SLC35F1: variants seen among roughly 807,000 people sequenced by gnomAD.
SLC35F1 encodes the protein chromosome 6 open reading frame 169.
Under a neutral mutation model 48.7 loss-of-function variants are expected in SLC35F1, and 14 were observed. That is an observed-to-expected ratio of 0.29 (90% confidence interval 0.19 to 0.45). The LOEUF (loss-of-function observed/expected upper bound fraction) is 0.45. SLC35F1 is among the 20% of genes least tolerant of loss of function. SLC35F1 has a pLI of 1.00. For missense variants in SLC35F1, 404 were observed against 500.0 expected (o/e 0.81, Z 1.83); for synonymous variants, 190 against 202.2 (o/e 0.94, Z 0.51).
At chr6:118,272,863 A>C (rs1437314469) in intron 4 of SLC35F1, among the ~76,000 whole-genome samples, 1 of 150,088 alleles carries the variant, frequency 6.7e-6, no homozygotes, top group East Asian at 1.9e-4. Context: ...CTAGATACAA[A>C]TTTTAGGCAC....
intron 1 of SLC35F1, among the ~76,000 whole-genome samples, chr6:118,089,881 AC>A (rs2114341013): frequency 6.6e-6 from 1 of 152,316 alleles, no homozygotes; most frequent in East Asian, 1.9e-4. Flanking sequence ...ATTTCATGAA[AC>A]AAAACACAAT....
chr6:118,316,973 G>A lies in SLC35F1; in HGVS notation c.*2721G>A, dbSNP rs1241165113. 6.6e-6 allele frequency: 1 copy of A among 152,562 alleles called. No homozygotes were observed. The highest frequency in any genetic ancestry group is 2.4e-5 in the African/African-American group (1 of 41,432). The allele number at this position is 152,562 out of a possible 1,614,324, so 9.5% of individuals were successfully genotyped here. ...TCTGTGTAAAAAACACTGATCCTTT[G>A]GGAATGGGGCGGGAAATGGGAGTAG... On this transcript the variant is annotated 3_prime_UTR_variant, in exon 8 of 8. Transcript: ENST00000360388.
At chr6:118,304,177 C>T (rs189146420) in intron 7 of SLC35F1, among the ~76,000 whole-genome samples, 58 of 152,068 alleles carry the variant, frequency 3.8e-4, no homozygotes, top group African/African-American at 1.3e-3. Flanking sequence ...AATTGATAAA[C>T]AATGTAAACA....
intron 1 of SLC35F1, among the ~76,000 whole-genome samples, chr6:117,943,906 T>C (rs1582577352): frequency 6.6e-6 from 1 of 152,176 alleles, no homozygotes; most frequent in East Asian, 1.9e-4. Flanking sequence ...TTAAAGAGTG[T>C]TCAAACTTTG....
chr6:118,073,439 A>G (rs942148304), intron 1 of SLC35F1, among the ~76,000 whole-genome samples: 17 of 152,224 alleles, frequency 1.1e-4, no homozygotes, highest in Non-Finnish European at 2.2e-4. Context: ...GAAATGGAAT[A>G]ATACTTGCAA....
chr6:118,296,454 G>A (rs894949264), intron 7 of SLC35F1, among the ~76,000 whole-genome samples: 1 of 152,158 alleles, frequency 6.6e-6, no homozygotes, highest in Non-Finnish European at 1.5e-5. Flanking sequence ...GCTGGGAAAT[G>A]TGGTCAATCT....
chr6:118,000,963 T>C (rs1176591122), intron 1 of SLC35F1, among the ~76,000 whole-genome samples: 3 of 151,970 alleles, frequency 2.0e-5, no homozygotes, highest in Non-Finnish European at 4.4e-5. Context: ...TACAAACAAA[T>C]GGAAGAACAT....
intron 2 of SLC35F1, among the ~76,000 whole-genome samples, chr6:118,165,364 G>A (rs542198284): frequency 2.0e-5 from 3 of 152,226 alleles, no homozygotes; most frequent in South Asian, 4.1e-4. Flanking sequence ...GGTAAGAAAA[G>A]CATTCCTACT....
In SLC35F1 at chr6:118,089,148, G is replaced by T. The variant is rs116280268; in HGVS notation, c.174-65297G>T. Among the ~76,000 whole-genome samples, 200 of 152,290 alleles carry T rather than the reference G, an allele frequency of 1.3e-3. 1 individual carries two copies. Among genetic ancestry groups the T allele is most frequent in the African/African-American group, 4.7e-3 (194 of 41,564 alleles). Reference sequence around the variant, plus strand: ...TTGGATACAAGAGGTGTGGGAAAGAGAGAGGACCCTAGAACTCTGGCATGA... The same window carrying T: ...TTGGATACAAGAGGTGTGGGAAAGATAGAGGACCCTAGAACTCTGGCATGA... On this transcript the variant is annotated intron_variant, in intron 1 of 7. Coordinates refer to ENST00000360388, the MANE Select transcript of SLC35F1 (RefSeq NM_001029858.4).
At chr6:117,997,656 T>C (rs1777015930) in intron 1 of SLC35F1, among the ~76,000 whole-genome samples, 1 of 152,146 alleles carries the variant, frequency 6.6e-6, no homozygotes, top group Non-Finnish European at 1.5e-5. Context: ...AACCCAGAAT[T>C]TCATATCCAG....
At position 117,939,084 on chromosome 6, in the gene SLC35F1, C is replaced by G. The variant is rs572528429; in HGVS notation, c.173+31185C>G. ...GGCATGCAGTGGCGTGATCATGGCT[C>G]AAAATCTTGAGCTCAAATGATCTTC... On this transcript the variant is annotated intron_variant, in intron 1 of 7. Coordinates refer to ENST00000360388, the MANE Select transcript of SLC35F1 (RefSeq NM_001029858.4). Among the ~76,000 whole-genome samples the G allele has an allele frequency of 2.7e-5, 4 of 149,868 alleles. No homozygotes were observed. In the East Asian group the frequency reaches 7.9e-4, roughly 29 times the overall value.
At chr6:118,099,685 A>G (rs1773229711) in intron 1 of SLC35F1, among the ~76,000 whole-genome samples, 1 of 152,182 alleles carries the variant, frequency 6.6e-6, no homozygotes, top group African/African-American at 2.4e-5. Context: ...CCAAGAGAAT[A>G]TTCCAGGTAA....
intron 1 of SLC35F1, among the ~76,000 whole-genome samples, chr6:118,111,157 A>G (rs1204956955): frequency 6.6e-6 from 1 of 152,190 alleles, no homozygotes; most frequent in Non-Finnish European, 1.5e-5. Flanking sequence ...AAAGACAAAA[A>G]GTAAGAGAAC....
chr6:118,027,226 A>T (rs1174778930), intron 1 of SLC35F1, among the ~76,000 whole-genome samples: 1 of 152,068 alleles, frequency 6.6e-6, no homozygotes, highest in African/African-American at 2.4e-5. Flanking sequence ...AGCTTTTGGC[A>T]GTTGTGTAAA....
chr6:117,981,419 G>A (rs1776779630), intron 1 of SLC35F1, among the ~76,000 whole-genome samples: 1 of 152,174 alleles, frequency 6.6e-6, no homozygotes, highest in South Asian at 2.1e-4. Flanking sequence ...GATGGAGAAG[G>A]GAGCAAGAGA....
chr6:118,233,553 T>C (rs927255764), intron 2 of SLC35F1, among the ~76,000 whole-genome samples: 2 of 152,206 alleles, frequency 1.3e-5, no homozygotes, highest in Non-Finnish European at 2.9e-5. Context: ...TGTTTTCAAT[T>C]CATTGATTCA....
chr6:118,201,432 T>C (rs1774872330), intron 2 of SLC35F1, among the ~76,000 whole-genome samples: 2 of 152,260 alleles, frequency 1.3e-5, no homozygotes, highest in Admixed American at 1.3e-4. Context: ...GAAGTTGTTA[T>C]AGAAACCACA....
intron 1 of SLC35F1, among the ~76,000 whole-genome samples, chr6:117,924,986 C>T (rs570483141): frequency 6.6e-6 from 1 of 152,264 alleles, no homozygotes; most frequent in South Asian, 2.1e-4. Context: ...TTCAACTACA[C>T]ATTCAAAAGG....
intron 1 of SLC35F1, among the ~76,000 whole-genome samples, chr6:117,987,555 C>T (rs1227776857): frequency 2.6e-5 from 4 of 152,096 alleles, no homozygotes; most frequent in Non-Finnish European, 5.9e-5. Context: ...TAGGGTTTTA[C>T]CAAAGCTTTT....
Sources: gnomAD v4.1 joint callset for allele counts (sites outside exome capture counted in the v4.1 genomes callset) on GRCh38, gnomAD v4.1.1 for gene constraint, MANE v1.5 for transcripts, NCBI Gene and HGNC (gene_info 2026-07-23, HGNC 2026-07-21) for gene names.